Variants in ATIC observed in about 807,000 individuals in gnomAD.
The protein encoded by ATIC is 5-aminoimidazole-4-carboxamide ribonucleotide formyltransferase/IMP cyclohydrolase.
Under a neutral mutation model 72.5 loss-of-function variants are expected in ATIC, and 64 were observed. That is an observed-to-expected ratio of 0.88 (90% confidence interval 0.72 to 1.09). ATIC has a LOEUF of 1.09. Ranked by LOEUF, ATIC falls within the 50% of genes least tolerant of loss-of-function variation. The pLI is 0.00. For synonymous variants in ATIC, 281 were observed against 267.1 expected (o/e 1.05, Z -0.51); for missense variants, 787 against 732.4 (o/e 1.07, Z -0.86).
chr2:215,326,774 A>G, intron 6 of ATIC, 48 bp from the exon 7 acceptor site: 1 of 1,611,602 alleles, frequency 6.2e-7, no homozygotes, highest in Non-Finnish European at 8.5e-7. Context: ...TCTTGTCCCC[A>G]CTTTGGAAAG....
chr2:215,326,812 C>T lies in ATIC; in HGVS notation c.532-10C>T. ...CTGCTCGTGTCTCACAAAACTTACG[C>T]TTTTTGTAGGCATTCACTCATACGG... On this transcript the variant is annotated splice_polypyrimidine_tract_variant and intron_variant, in intron 6 of 15. Coordinates refer to ENST00000236959, the MANE Select transcript of ATIC (RefSeq NM_004044.7). 6.2e-7 allele frequency: 1 copy of T among 1,613,864 alleles called. No homozygotes were observed. Among genetic ancestry groups the T allele is most frequent in the South Asian group, 1.1e-5 (1 of 91,064 alleles).
intron 2 of ATIC, 62 bp downstream of exon 2, chr2:215,312,686 T>G (rs1195331364): frequency 3.1e-6 from 5 of 1,612,480 alleles, no homozygotes; most frequent in East Asian, 4.5e-5. Context: ...AGTATTGTAT[T>G]CCAGGCACCA....
At chr2:215,365,874 C>A in the ATIC span, 2 of 197,420 alleles carry the variant, frequency 1.0e-5, no homozygotes, top group Admixed American at 6.0e-5. Flanking sequence ...GGTGCAATCT[C>A]GGCTCACTGT....
At chr2:215,325,779 T>G (rs913382663) in intron 5 of ATIC, among the ~76,000 whole-genome samples, 2 of 152,054 alleles carry the variant, frequency 1.3e-5, no homozygotes, top group African/African-American at 4.8e-5. Flanking sequence ...TTGGCCAGAG[T>G]GGTCTCGAAC....
chr2:215,346,814 G>A lies in ATIC; in HGVS notation c.1376G>A (p.Gly459Glu). The stretch of plus-strand genomic sequence containing the variant: ...CGTATACACTGCACTCGCCTTGCAG[G>A]AGATAAGGCAAACTATTGGTGGCTT... ...QSRIHCTRLA[G>E]DKANYWWLRH... is the part of the protein sequence containing the mutation. Residue 459 changes from glycine (G) to glutamate (E), a missense_variant, in exon 14 of 16, where the codon GGA becomes GAA. Transcript: ENST00000236959. 2 of 1,614,174 alleles carry A rather than the reference G, an allele frequency of 1.2e-6. No homozygotes were observed. The highest frequency in any genetic ancestry group is 1.7e-6 in the Non-Finnish European group (2 of 1,180,046).
chr2:215,330,472 G>A (rs1355844364), intron 7 of ATIC, among the ~76,000 whole-genome samples: 1 of 152,108 alleles, frequency 6.6e-6, no homozygotes, highest in African/African-American at 2.4e-5. Context: ...TTAGTGTGGT[G>A]TATTTGTTAC....
rs778491342 is a variant in ATIC at position 215,349,707 on chromosome 2, C to A, written c.*52C>A. 3 of 1,613,748 alleles carry A rather than the reference C, an allele frequency of 1.9e-6. No homozygotes were observed. Among genetic ancestry groups the A allele is most frequent in the Non-Finnish European group, 8.5e-7 (1 of 1,179,764 alleles). On this transcript the variant is annotated 3_prime_UTR_variant, in exon 16 of 16. Transcript: ENST00000236959. ...GCTTATGTGTAGGTGAACAGTCACG[C>A]CTGAAACTTTGAGGATAACTTTTTA...
At position 215,312,103 on chromosome 2, in the gene ATIC, C is replaced by T. The variant is rs964627875; in HGVS notation, c.-40C>T. On this transcript the variant is annotated 5_prime_UTR_variant, in exon 1 of 16. Coordinates refer to ENST00000236959, the MANE Select transcript of ATIC (RefSeq NM_004044.7). ...CCTACCTGCGCACGTGGTGCCGCCGCTGCTGCCTCCCGCTCGCCCTGAACC... is the reference window on the plus strand; with the variant it reads ...CCTACCTGCGCACGTGGTGCCGCCGTTGCTGCCTCCCGCTCGCCCTGAACC... 2.0e-6 allele frequency: 3 copies of T among 1,530,200 alleles called. No homozygotes were observed. Among genetic ancestry groups the T allele is most frequent in the Non-Finnish European group, 2.6e-6 (3 of 1,144,810 alleles). The allele number at this position is 1,530,200 out of a possible 1,614,324, so 94.8% of individuals were successfully genotyped here. A position where few individuals can be genotyped will look rare whatever the true frequency, so the allele number is the denominator to read the frequency against.
intron 14 of ATIC, chr2:215,347,523 G>C: frequency 2.1e-6 from 1 of 476,340 alleles, no homozygotes; most frequent in South Asian, 1.6e-5. Flanking sequence ...GACATATTGC[G>C]TGCCTAACAA....
At chr2:215,319,253 A>C (rs962751677) in intron 3 of ATIC, among the ~76,000 whole-genome samples, 2 of 152,176 alleles carry the variant, frequency 1.3e-5, no homozygotes, top group Non-Finnish European at 2.9e-5. Flanking sequence ...TTAATTAAGA[A>C]TATTATGCTG....
chr2:215,339,823 A>C (rs2052999490), intron 12 of ATIC, among the ~76,000 whole-genome samples: 1 of 151,970 alleles, frequency 6.6e-6, no homozygotes, highest in Non-Finnish European at 1.5e-5. Flanking sequence ...TTTTTAGTAG[A>C]GACGGTGTTT....
chr2:215,348,750 C>A, intron 14 of ATIC: 1 of 360,114 alleles, frequency 2.8e-6, no homozygotes, highest in Non-Finnish European at 5.3e-6. Flanking sequence ...ATCATGAGGT[C>A]AAGAGATTGA....
intron 13 of ATIC, among the ~76,000 whole-genome samples, chr2:215,345,796 C>T (rs543722622): frequency 2.0e-5 from 3 of 152,272 alleles, no homozygotes; most frequent in South Asian, 2.1e-4. Flanking sequence ...GAGGAGGAGG[C>T]GGCTGCCCAG....
In ATIC at chr2:215,312,131, G is replaced by C. The variant is rs1414388055; in HGVS notation, c.-12G>C. On this transcript the variant is annotated 5_prime_UTR_variant, in exon 1 of 16. Transcript: ENST00000236959. Reference sequence around the variant, plus strand: ...CTGCCTCCCGCTCGCCCTGAACCCAGTGCCTGCAGCCATGGCTCCCGGCCA... The same window carrying C: ...CTGCCTCCCGCTCGCCCTGAACCCACTGCCTGCAGCCATGGCTCCCGGCCA... 2.6e-6 allele frequency: 4 copies of C among 1,528,002 alleles called. No individual in the cohort carries two copies. In the Admixed American group the frequency reaches 7.9e-5, roughly 30 times the overall value. 94.7% of individuals were successfully genotyped at this position (1,528,002 alleles called of 1,614,324 possible). A position where few individuals can be genotyped will look rare whatever the true frequency, so the allele number is the denominator to read the frequency against.
chr2:215,338,953 T>C, intron 12 of ATIC, 46 bp downstream of exon 12: 1 of 1,608,164 alleles, frequency 6.2e-7, no homozygotes, highest in East Asian at 2.2e-5. Context: ...CTTCCATTGG[T>C]CTGTTTTCAA....
intron 12 of ATIC, among the ~76,000 whole-genome samples, chr2:215,343,559 C>T (rs2053042162): frequency 1.3e-5 from 2 of 152,192 alleles, no homozygotes; most frequent in Non-Finnish European, 2.9e-5. Context: ...TGGCCTGGAA[C>T]TTCTGACCTC....
chr2:215,324,674 C>G (rs2052803248), intron 4 of ATIC, among the ~76,000 whole-genome samples: 1 of 152,092 alleles, frequency 6.6e-6, no homozygotes, highest in South Asian at 2.1e-4. Context: ...CTGTACTTCA[C>G]TGATTGTTAA....
At chr2:215,336,198 C>G in intron 11 of ATIC, 74 bp downstream of exon 11, 2 of 1,113,364 alleles carry the variant, frequency 1.8e-6, no homozygotes, top group East Asian at 2.4e-5. Context: ...TTTACTCTTT[C>G]CTTTATACTC....
chr2:215,344,671 G>A (rs1051653080), intron 12 of ATIC, 108 bp from the exon 13 acceptor site: 2 of 1,040,280 alleles, frequency 1.9e-6, no homozygotes, highest in Non-Finnish European at 2.9e-6. Flanking sequence ...GAGACAGAGT[G>A]AGACTCTGAC....
Sources: allele counts gnomAD v4.1 joint callset (sites outside exome capture counted in the v4.1 genomes callset), GRCh38; gene constraint gnomAD v4.1.1; transcripts MANE v1.5; gene names NCBI Gene and HGNC (gene_info 2026-07-23, HGNC 2026-07-21).